The following TBC1D22A variants were observed in gnomAD, a reference collection of about 807,000 sequenced individuals.
TBC1D22A encodes putative GTPase activator.
TBC1D22A carries 38 observed loss-of-function variants against 60.2 expected under a neutral mutation model. The ratio of observed to expected loss-of-function variants is 0.63; its 90% confidence interval spans 0.49 to 0.83. The LOEUF is 0.83. Ranked by LOEUF, TBC1D22A falls within the 40% of genes least tolerant of loss-of-function variation. TBC1D22A has a pLI of 0.00. For missense variants in TBC1D22A, 628 were observed against 701.0 expected, an observed-to-expected ratio of 0.90 and a Z score of 1.18; for synonymous variants, 302 against 281.7, an observed-to-expected ratio of 1.07 and a Z score of -0.72.
intron 4 of TBC1D22A, among the ~76,000 whole-genome samples, chr22:46,836,419 T>C (rs996049688): frequency 1.3e-5 from 2 of 152,168 alleles, no homozygotes; most frequent in Non-Finnish European, 2.9e-5. Context: ...TGGTTAGCAC[T>C]ATGCATTTTG....
chr22:46,943,840 T>C (rs1218617017), intron 8 of TBC1D22A, among the ~76,000 whole-genome samples: 3 of 152,238 alleles, frequency 2.0e-5, no homozygotes, highest in Non-Finnish European at 2.9e-5. Context: ...CTTCTTTCAT[T>C]GACCGTAATG....
rs372599886 is a variant in TBC1D22A, at chr22:46,837,016, C to T, written c.637+39396C>T. On this transcript the variant is annotated intron_variant, in intron 4 of 12. Coordinates refer to ENST00000337137, the MANE Select transcript of TBC1D22A (RefSeq NM_014346.5). ...TCCTAAAAAAAAAAAAAAAAATTAG[C>T]GGGGCATGGTGGCACGTGCCTGTAG... is the stretch of plus-strand genomic sequence containing the variant. Among the ~76,000 whole-genome samples the T allele has an allele frequency of 2.9e-3, 438 of 148,826 alleles. 2 individuals are homozygous for T. The highest frequency in any genetic ancestry group is 0.01 in the African/African-American group (409 of 40,614).
At chr22:46,778,771 G>C (rs1432936585) in intron 1 of TBC1D22A, among the ~76,000 whole-genome samples, 1 of 79,192 alleles carries the variant, frequency 1.3e-5, no homozygotes, top group Non-Finnish European at 2.7e-5. Context: ...AATAGGCCAG[G>C]CACAGTGTAA....
chr22:47,107,183 T>G (rs1169771253), intron 11 of TBC1D22A, among the ~76,000 whole-genome samples: 2 of 152,176 alleles, frequency 1.3e-5, no homozygotes. Context: ...AACTTCCAGA[T>G]TCATTGGGGT....
At chr22:46,826,444 A>G (rs899255821) in intron 4 of TBC1D22A, among the ~76,000 whole-genome samples, 2 of 152,176 alleles carry the variant, frequency 1.3e-5, no homozygotes, top group Non-Finnish European at 2.9e-5. Flanking sequence ...AGATATGCCT[A>G]TTTTTAAGAC....
At chr22:46,959,179 A>T (rs2073365795) in intron 8 of TBC1D22A, among the ~76,000 whole-genome samples, 1 of 152,254 alleles carries the variant, frequency 6.6e-6, no homozygotes. Flanking sequence ...CGTTCTACCC[A>T]ACAAAAAACT....
intron 4 of TBC1D22A, among the ~76,000 whole-genome samples, chr22:46,846,260 A>C (rs972390383): frequency 1.3e-5 from 2 of 152,178 alleles, no homozygotes; most frequent in Non-Finnish European, 2.9e-5. Flanking sequence ...GTGATCTTTC[A>C]ATGAGAATGG....
intron 8 of TBC1D22A, among the ~76,000 whole-genome samples, chr22:46,930,223 T>TA (rs2071278425): frequency 6.6e-6 from 1 of 152,196 alleles, no homozygotes; most frequent in Non-Finnish European, 1.5e-5. Context: ...GCTCCTGTGT[T>TA]ACCAATACAC....
chr22:47,013,150 A>G (rs2061806159), intron 10 of TBC1D22A, among the ~76,000 whole-genome samples: 2 of 152,182 alleles, frequency 1.3e-5, no homozygotes, highest in South Asian at 4.1e-4. Flanking sequence ...CTTCCTTCCC[A>G]GGATCTTTGA....
intron 5 of TBC1D22A, among the ~76,000 whole-genome samples, chr22:46,888,690 G>GA (rs1394673298): frequency 1.3e-5 from 2 of 152,108 alleles, no homozygotes; most frequent in Non-Finnish European, 2.9e-5. Context: ...AGACTGCTAG[G>GA]AAAAAAACAA....
At chr22:46,955,954 G>A (rs988732506) in intron 8 of TBC1D22A, among the ~76,000 whole-genome samples, 1 of 152,190 alleles carries the variant, frequency 6.6e-6, no homozygotes, top group Admixed American at 6.5e-5. Context: ...GATGCCCACC[G>A]ATAGAGGAAG....
chr22:46,962,844 G>T (rs904864521), intron 8 of TBC1D22A, among the ~76,000 whole-genome samples: 4 of 152,142 alleles, frequency 2.6e-5, no homozygotes, highest in African/African-American at 7.2e-5. Flanking sequence ...TTTACATAAC[G>T]TATCTGTGGC....
chr22:46,771,034 T>C (rs1425043079), intron 1 of TBC1D22A, among the ~76,000 whole-genome samples: 1 of 152,234 alleles, frequency 6.6e-6, no homozygotes, highest in African/African-American at 2.4e-5. Context: ...TTCCATGTTA[T>C]TAAATGTCTT....
chr22:47,030,235 G>T (rs2062423245), intron 10 of TBC1D22A, among the ~76,000 whole-genome samples: 1 of 152,218 alleles, frequency 6.6e-6, no homozygotes, highest in Non-Finnish European at 1.5e-5. Flanking sequence ...TCTCGGCTTT[G>T]TGCGGGGGGT....
intron 1 of TBC1D22A, among the ~76,000 whole-genome samples, chr22:46,788,191 C>T (rs1403845130): frequency 1.3e-5 from 2 of 152,120 alleles, no homozygotes; most frequent in Non-Finnish European, 2.9e-5. Flanking sequence ...CCGCCTCGGC[C>T]TCCCAAAGTG....
intron 9 of TBC1D22A, among the ~76,000 whole-genome samples, chr22:46,997,230 G>A (rs372561361): frequency 4.6e-5 from 7 of 152,266 alleles, no homozygotes; most frequent in Non-Finnish European, 8.8e-5. Flanking sequence ...CACCTTTGCC[G>A]TTGGTTCCCG....
intron 1 of TBC1D22A, among the ~76,000 whole-genome samples, chr22:46,770,427 C>G (rs116548208): frequency 6.6e-6 from 1 of 152,212 alleles, no homozygotes. Context: ...TTCAGAACTT[C>G]GAGATAGTGA....
intron 9 of TBC1D22A, among the ~76,000 whole-genome samples, chr22:46,976,868 G>A (rs1345888426): frequency 6.6e-6 from 1 of 152,186 alleles, no homozygotes; most frequent in Non-Finnish European, 1.5e-5. Context: ...TATTGGAGCC[G>A]CTGAGCCAGA....
At chr22:47,016,394 C>G (rs538883800) in intron 10 of TBC1D22A, among the ~76,000 whole-genome samples, 32 of 152,296 alleles carry the variant, frequency 2.1e-4, no homozygotes, top group Non-Finnish European at 3.2e-4. Context: ...TGGCCCTCCC[C>G]CAAGGAACCC....
Sources: gnomAD v4.1 joint callset for allele counts (sites outside exome capture counted in the v4.1 genomes callset) on GRCh38, gnomAD v4.1.1 for gene constraint, MANE v1.5 for transcripts, NCBI Gene and HGNC (gene_info 2026-07-23, HGNC 2026-07-21) for gene names.